Variants in CA10 observed in about 807,000 individuals in gnomAD.
The protein encoded by CA10 is carbonic anhydrase-related protein 10.
In CA10, 14 loss-of-function variants were observed where a neutral mutation model predicts 44.2. The observed-to-expected ratio is 0.32, with a 90% CI of 0.21 to 0.50. The LOEUF is 0.50. Ranked by LOEUF, CA10 falls within the 20% of genes least tolerant of loss-of-function variation. The pLI is 0.99. For synonymous variants in CA10, 159 were observed against 141.6 expected (o/e 1.12, Z -0.87); for missense variants, 350 against 409.7 (o/e 0.85, Z 1.26).
intron 1 of CA10, among the ~76,000 whole-genome samples, chr17:52,109,590 A>T (rs1391270935): frequency 2.6e-5 from 4 of 152,326 alleles, no homozygotes; most frequent in African/African-American, 9.6e-5. Flanking sequence ...GTTCTCTCTG[A>T]GGACTGTAGA....
At chr17:51,723,809 CCT>C (rs778067550) in intron 4 of CA10, among the ~76,000 whole-genome samples, 1 of 152,178 alleles carries the variant, frequency 6.6e-6, no homozygotes, top group Non-Finnish European at 1.5e-5. Flanking sequence ...TCCCCTCTGC[CCT>C]CTTTTCCATC....
chr17:51,798,035 G>C (rs892648398), intron 3 of CA10, among the ~76,000 whole-genome samples: 1 of 152,132 alleles, frequency 6.6e-6, no homozygotes, highest in Non-Finnish European at 1.5e-5. Flanking sequence ...CTTAAGCAAA[G>C]CCCTGACAGA....
intron 3 of CA10, among the ~76,000 whole-genome samples, chr17:51,766,935 C>T (rs556541258): frequency 1.1e-4 from 16 of 152,212 alleles, no homozygotes; most frequent in South Asian, 2.1e-4. Flanking sequence ...TGGCAATGCC[C>T]GTTAGCTTGC....
In CA10 at chr17:51,649,093, C is replaced by T. The variant is rs537833515; in HGVS notation, c.634+89G>A. 40 of 853,626 alleles carry T rather than the reference C, an allele frequency of 4.7e-5. No individual in the cohort carries two copies. In the East Asian group the frequency reaches 9.1e-4, roughly 19 times the overall value. The allele number at this position is 853,626 out of a possible 1,614,324, so 52.9% of individuals were successfully genotyped here. A position where few individuals can be genotyped will look rare whatever the true frequency, so the allele number is the denominator to read the frequency against. ...CAGGATCATGAAACTGAAAAGGGCC[C>T]ATGGAGATCATCAGTTCTGGCTTCC... On this transcript the variant is annotated intron_variant, in intron 6 of 8. Coordinates refer to ENST00000451037, the MANE Select transcript of CA10 (RefSeq NM_020178.5).
chr17:52,154,007 C>T (rs1158945167), intron 1 of CA10, among the ~76,000 whole-genome samples: 1 of 152,134 alleles, frequency 6.6e-6, no homozygotes, highest in Non-Finnish European at 1.5e-5. Context: ...TCCTAAGATG[C>T]TAGAGGCATT....
At chr17:51,962,021 ACTC>A (rs941418037) in intron 2 of CA10, among the ~76,000 whole-genome samples, 1 of 151,752 alleles carries the variant, frequency 6.6e-6, no homozygotes, top group Admixed American at 6.6e-5. Flanking sequence ...GAGCCACCCA[ACTC>A]CTCCTGTGCA....
chr17:52,159,834 A>C (rs1989903604), upstream of CA10: 2 of 152,272 alleles, frequency 1.3e-5, no homozygotes, highest in Admixed American at 1.3e-4. Flanking sequence ...CTTGCCTAAG[A>C]GGGCTGGGAA....
At chr17:51,730,842 C>G (rs992467755) in intron 4 of CA10, among the ~76,000 whole-genome samples, 16 of 151,460 alleles carry the variant, frequency 1.1e-4, no homozygotes, top group Non-Finnish European at 2.1e-4. Flanking sequence ...CTTAAATATT[C>G]AAAAGGTTTT....
chr17:51,820,409 C>T lies in CA10; in HGVS notation c.280-72591G>A, dbSNP rs369087714. ...TATAAACCTGGGGATTCCCCTACCC[C>T]CCCCCCCCCGCCCGCCGATTTTCCT... On this transcript the variant is annotated intron_variant, in intron 3 of 8. Coordinates refer to ENST00000451037, the MANE Select transcript of CA10 (RefSeq NM_020178.5). 1.2e-3 allele frequency among the ~76,000 whole-genome samples: 106 copies of T among 85,480 alleles called. 10 individuals carry two copies. Among genetic ancestry groups the T allele is most frequent in the Admixed American group, 1.9e-3 (17 of 8,962 alleles). The allele number at this position is 85,480 out of a possible 152,430, so 56.1% of individuals were successfully genotyped here.
chr17:52,123,343 G>GTT (rs905729001), intron 1 of CA10, among the ~76,000 whole-genome samples: 1 of 147,588 alleles, frequency 6.8e-6, no homozygotes, highest in Admixed American at 7.0e-5. Flanking sequence ...GTGTGTGTGT[G>GTT]TGTGTGTGTA....
intron 2 of CA10, among the ~76,000 whole-genome samples, chr17:51,998,272 T>C (rs1431913299): frequency 6.6e-6 from 1 of 152,074 alleles, no homozygotes; most frequent in Non-Finnish European, 1.5e-5. Flanking sequence ...ACAATGAAAG[T>C]AGTATAATAA....
intron 1 of CA10, among the ~76,000 whole-genome samples, chr17:52,078,830 C>A (rs1987886628): frequency 6.6e-6 from 1 of 152,184 alleles, no homozygotes; most frequent in Non-Finnish European, 1.5e-5. Flanking sequence ...AGGTGCTTGA[C>A]TTTTACAACA....
chr17:51,962,471 T>G (rs777845715), intron 2 of CA10, among the ~76,000 whole-genome samples: 2 of 152,170 alleles, frequency 1.3e-5, no homozygotes, highest in Non-Finnish European at 2.9e-5. Context: ...GTGGGCTCCA[T>G]GGATGAGCCC....
chr17:51,918,175 A>T (rs1567884712), intron 3 of CA10, among the ~76,000 whole-genome samples: 1 of 152,232 alleles, frequency 6.6e-6, no homozygotes, highest in Admixed American at 6.5e-5. Context: ...ACGATGCATT[A>T]AATAGCAACA....
intron 4 of CA10, among the ~76,000 whole-genome samples, chr17:51,673,431 T>G (rs1914499499): frequency 6.6e-6 from 1 of 152,176 alleles, no homozygotes; most frequent in South Asian, 2.1e-4. Flanking sequence ...TCTCCTCCTC[T>G]TCCTTCATCC....
In CA10 at chr17:51,739,479, A is replaced by T. The variant is rs1383103569; in HGVS notation, c.465+8154T>A. On this transcript the variant is annotated intron_variant, in intron 4 of 8. Coordinates refer to ENST00000451037, the MANE Select transcript of CA10 (RefSeq NM_020178.5). ...CCGATGAAGCATCAGCAGGGAGATC[A>T]GAGTCAAGTGGAGGAGGATGGTGGC... Among the ~76,000 whole-genome samples, 6 of 152,138 alleles carry T rather than the reference A, an allele frequency of 3.9e-5. No individual in the cohort carries two copies. The South Asian group carries it at 8.3e-4, about 21-fold the overall frequency.
intron 1 of CA10, among the ~76,000 whole-genome samples, chr17:52,111,277 T>C (rs561092037): frequency 6.6e-6 from 1 of 152,310 alleles, no homozygotes; most frequent in Non-Finnish European, 1.5e-5. Context: ...TAATTACACC[T>C]ACGCTTACAT....
At chr17:51,742,216 G>T (rs1466408918) in intron 4 of CA10, among the ~76,000 whole-genome samples, 2 of 152,132 alleles carry the variant, frequency 1.3e-5, no homozygotes, top group Non-Finnish European at 2.9e-5. Flanking sequence ...AGAGTAGAGG[G>T]AGCAGCTTCA....
chr17:51,722,582 CT>C (rs1916381886), intron 4 of CA10, among the ~76,000 whole-genome samples: 1 of 152,234 alleles, frequency 6.6e-6, no homozygotes, highest in South Asian at 2.1e-4. Context: ...TCAGGGCCCC[CT>C]GTCCCCTTGC....
Sources: allele counts gnomAD v4.1 joint callset (sites outside exome capture counted in the v4.1 genomes callset), GRCh38; gene constraint gnomAD v4.1.1; transcripts MANE v1.5; gene names NCBI Gene and HGNC (gene_info 2026-07-23, HGNC 2026-07-21).